WDR11: variants seen among roughly 807,000 people sequenced by gnomAD.
WDR11 encodes WD repeat-containing protein 11.
A neutral mutation model predicts 151.2 loss-of-function variants in WDR11; 83 were observed. The observed-to-expected ratio is 0.55, with a 90% CI of 0.46 to 0.66. The LOEUF is 0.66. WDR11 is among the 30% of genes least tolerant of loss of function. The pLI is 0.00. For missense variants in WDR11, 1,301 were observed against 1,480.9 expected (o/e 0.88, Z 1.99); for synonymous variants, 484 against 533.1 (o/e 0.91, Z 1.27).
chr10:120,852,219 A>G, intron 1 of WDR11: 2 of 358,474 alleles, frequency 5.6e-6, no homozygotes, highest in Non-Finnish European at 1.1e-5. Flanking sequence ...GAAATCGGAT[A>G]AGCGAAAGAC....
intron 13 of WDR11, among the ~76,000 whole-genome samples, chr10:120,881,771 T>C (rs1246155381): frequency 6.6e-6 from 1 of 152,164 alleles, no homozygotes; most frequent in East Asian, 1.9e-4. Flanking sequence ...GTTAATTCTT[T>C]AGGATTTTCT....
intron 2 of WDR11, among the ~76,000 whole-genome samples, chr10:120,856,455 A>T (rs1449034018): frequency 2.0e-5 from 3 of 151,696 alleles, no homozygotes; most frequent in African/African-American, 7.3e-5. Context: ...CACACCTGTA[A>T]TCCCAGCTAC....
chr10:120,864,619 T>G (rs1846250581), intron 5 of WDR11, among the ~76,000 whole-genome samples: 1 of 152,166 alleles, frequency 6.6e-6, no homozygotes, highest in Non-Finnish European at 1.5e-5. Context: ...GTCCAGTAAC[T>G]CCTGGTCCAG....
At chr10:120,885,408 T>C (rs1474269814) in intron 14 of WDR11, among the ~76,000 whole-genome samples, 1 of 151,878 alleles carries the variant, frequency 6.6e-6, no homozygotes, top group African/African-American at 2.4e-5. Flanking sequence ...TTACAATAGG[T>C]GGAATATAAA....
chr10:120,898,463 G>A (rs1048210394), intron 19 of WDR11, among the ~76,000 whole-genome samples: 3 of 152,184 alleles, frequency 2.0e-5, no homozygotes, highest in Non-Finnish European at 4.4e-5. Flanking sequence ...CATATGTTAA[G>A]TGACTATCAT....
At chr10:120,876,271 C>T (rs544577228) in intron 11 of WDR11, among the ~76,000 whole-genome samples, 70 of 152,194 alleles carry the variant, frequency 4.6e-4, no homozygotes, top group African/African-American at 1.6e-3. Flanking sequence ...TGAGCCACCG[C>T]GCCAGGCCAG....
intron 19 of WDR11, chr10:120,899,737 C>T (rs1043488503): frequency 2.2e-5 from 8 of 357,654 alleles, no homozygotes; most frequent in Admixed American, 8.2e-5. Context: ...GAGCCGAGAT[C>T]GCACCACCGC....
At position 120,878,555 on chromosome 10, in the gene WDR11, T is replaced by C. The variant is rs968034690; in HGVS notation, c.1663+96T>C. On this transcript the variant is annotated intron_variant, in intron 12 of 28. Coordinates refer to ENST00000263461, the MANE Select transcript of WDR11 (RefSeq NM_018117.12). ...AAAGTACTTCTTTCACCTTGGAATT[T>C]TTTTTTATATTTCATGCTTATATAT... 15 of 963,676 alleles carry C rather than the reference T, an allele frequency of 1.6e-5. No individual in the cohort carries two copies. The African/African-American group carries it at 2.3e-4, about 15-fold the overall frequency. 59.7% of individuals were successfully genotyped at this position (963,676 alleles called of 1,614,324 possible).
chr10:120,886,001 C>G, intron 15 of WDR11, 63 bp downstream of exon 15: 1 of 1,603,788 alleles, frequency 6.2e-7, no homozygotes, highest in Non-Finnish European at 8.5e-7. Flanking sequence ...GGGAAGTTGA[C>G]AAGTATCATC....
At chr10:120,886,055 A>G (rs1227964775) in intron 15 of WDR11, 117 bp downstream of exon 15, 8 of 1,335,498 alleles carry the variant, frequency 6.0e-6, no homozygotes, top group Non-Finnish European at 8.4e-6. Context: ...TTTTGAACAT[A>G]CTTAGTTTCA....
At chr10:120,852,257 A>C in intron 1 of WDR11, 1 of 423,756 alleles carries the variant, frequency 2.4e-6, no homozygotes, top group Non-Finnish European at 4.4e-6. Flanking sequence ...GTCAGAGGGC[A>C]CAAGTTCCTT....
chr10:120,905,536 G>C (rs751920176), intron 26 of WDR11, 120 bp downstream of exon 26: 6 of 1,023,720 alleles, frequency 5.9e-6, no homozygotes, highest in Non-Finnish European at 9.2e-6. Context: ...TGCAAATACT[G>C]TCTTGGAACC....
Position 120,888,798 on chromosome 10 carries a change from T to C in WDR11, c.2122-280T>C, listed in dbSNP as rs3813715. Among the ~76,000 whole-genome samples the C allele has an allele frequency of 0.38, 55,983 of 148,892 alleles. 10,406 individuals carry two copies. The highest frequency in any genetic ancestry group is 0.44 in the Admixed American group (6,656 of 15,036). On this transcript the variant is annotated intron_variant, in intron 16 of 28. Transcript: ENST00000263461. ...TGTTTTTCTTACTTTAATTTCCCCCTTTTTTTTTTGAGGTATTTGTTCCTC... is the reference window on the plus strand; with the variant it reads ...TGTTTTTCTTACTTTAATTTCCCCCCTTTTTTTTTGAGGTATTTGTTCCTC...
intron 26 of WDR11, 165 bp from the exon 27 acceptor site, chr10:120,905,711 A>T: frequency 7.8e-7 from 1 of 1,281,106 alleles, no homozygotes; most frequent in Non-Finnish European, 1.1e-6. Context: ...CCGTAGGCAC[A>T]GACCGTTATC....
chr10:120,906,203 G>A, intron 27 of WDR11, 182 bp downstream of exon 27: 2 of 1,484,774 alleles, frequency 1.3e-6, no homozygotes, highest in Non-Finnish European at 1.8e-6. Context: ...TCTTCATTCG[G>A]TCTAGGAGCT....
rs1847232593 is a variant in WDR11 at position 120,886,713 on chromosome 10, A to G, written c.1998A>G (p.Lys666=). Residue 666 remains lysine (K), a synonymous_variant, in exon 16 of 29, where the codon AAA becomes AAG. Coordinates refer to ENST00000263461, the MANE Select transcript of WDR11 (RefSeq NM_018117.12). Reference sequence around the variant, plus strand: ...GCTTGCTGCAGGAGGCAGAAAGTAAATCTGAACTTAGTCAGAACATCTCTG... The same window carrying G: ...GCTTGCTGCAGGAGGCAGAAAGTAAGTCTGAACTTAGTCAGAACATCTCTG... ...VISLLQEAES[K]SELSQNISAR... is the part of the protein sequence containing the mutation. 6.2e-7 allele frequency: 1 copy of G among 1,613,946 alleles called. No individual in the cohort carries two copies.
At position 120,862,804 on chromosome 10, in the gene WDR11, A is replaced by G; in HGVS notation, c.596A>G (p.Lys199Arg). Residue 199 changes from lysine to arginine, a missense_variant, in exon 5 of 29, where the codon AAA becomes AGA. By Grantham distance (26) the Lys-to-Arg change is conservative (BLOSUM62 2). This residue lies in a region of WDR11 where 692 missense variants were observed against 762.5 expected (regional missense o/e 0.91). Transcript: ENST00000263461. ...SPSKPPSGPG[K>R]KVYISSPHSS... Reference sequence around the variant, plus strand: ...TCCAAGCCTCCCTCAGGCCCTGGGAAAAAAGTTTACATATCCAGCCCACAC... The same window carrying G: ...TCCAAGCCTCCCTCAGGCCCTGGGAGAAAAGTTTACATATCCAGCCCACAC... The G allele has an allele frequency of 6.2e-7, 1 of 1,614,154 alleles. No homozygotes were observed. The highest frequency in any genetic ancestry group is 1.1e-5 in the South Asian group (1 of 91,080).
intron 16 of WDR11, among the ~76,000 whole-genome samples, chr10:120,887,377 T>C (rs1847258380): frequency 6.6e-6 from 1 of 152,258 alleles, no homozygotes; most frequent in South Asian, 2.1e-4. Context: ...TCAGCATGCA[T>C]CTCATAGATA....
chr10:120,894,986 T>A (rs897574206), intron 19 of WDR11, among the ~76,000 whole-genome samples: 1 of 152,198 alleles, frequency 6.6e-6, no homozygotes, highest in African/African-American at 2.4e-5. Context: ...GTCAACAATA[T>A]TTTGCTTTTG....
Sources: allele counts gnomAD v4.1 joint callset (sites outside exome capture counted in the v4.1 genomes callset), GRCh38; gene constraint gnomAD v4.1.1; regional missense constraint gnomAD v4.1.1; transcripts MANE v1.5; gene names NCBI Gene and HGNC (gene_info 2026-07-23, HGNC 2026-07-21).